Variants in ADSS1 observed in about 807,000 individuals in gnomAD.
ADSS1 encodes the protein adenylosuccinate synthase 1.
ADSS1 carries 57 observed loss-of-function variants against 59.1 expected under a neutral mutation model. The ratio of observed to expected loss-of-function variants is 0.97; its 90% CI spans 0.78 to 1.20. The LOEUF (loss-of-function observed/expected upper bound fraction) is 1.20. Ranked by LOEUF, ADSS1 falls within the 50% of genes most tolerant of loss-of-function variation. The pLI, the probability that ADSS1 is intolerant of heterozygous loss-of-function variation, is 0.00. For missense variants in ADSS1, 603 were observed against 610.3 expected, an observed-to-expected ratio of 0.99 and a Z score of 0.13; for synonymous variants, 247 against 249.4, an observed-to-expected ratio of 0.99 and a Z score of 0.09.
intron 11 of ADSS1, 116 bp from the exon 12 acceptor site, chr14:104,746,120 C>T: frequency 7.2e-7 from 1 of 1,389,412 alleles, no homozygotes; most frequent in Non-Finnish European, 9.7e-7. Flanking sequence ...GCCTTCCTTG[C>T]AGCTGAGTCC....
chr14:104,734,589 T>C (rs532027435), intron 1 of ADSS1, among the ~76,000 whole-genome samples: 1 of 152,326 alleles, frequency 6.6e-6, no homozygotes, highest in East Asian at 1.9e-4. Context: ...TTTTCATTCT[T>C]AGACGGGAGG....
chr14:104,736,306 G>A (rs11850889), intron 2 of ADSS1, among the ~76,000 whole-genome samples: 16,534 of 152,266 alleles, frequency 0.11, 927 homozygotes, highest in Non-Finnish European at 0.12. Context: ...CTGGCTGGCC[G>A]CTCCGGGTTG....
intron 1 of ADSS1, chr14:104,729,972 G>T (rs1481792005): frequency 1.9e-6 from 3 of 1,593,852 alleles, no homozygotes; most frequent in Non-Finnish European, 2.6e-6. Context: ...CTGACCCTCA[G>T]CTCGTCCCCA....
chr14:104,725,277 C>T (rs1394719247), intron 1 of ADSS1, among the ~76,000 whole-genome samples: 1 of 152,218 alleles, frequency 6.6e-6, no homozygotes, highest in Non-Finnish European at 1.5e-5. Context: ...GGCTACATGC[C>T]CCATGCCAGG....
chr14:104,740,758 A>C lies in ADSS1; in HGVS notation c.584+50A>C. On this transcript the variant is annotated intron_variant, in intron 6 of 12. Transcript: ENST00000330877. This position sits in a 1 kb window ranked among gnomAD's most constrained non-coding sequence, Gnocchi z 4.8. Reference sequence around the variant, plus strand: ...GGGGAGGATGGGGAGAAGTTGCCGGAAGGGACTGTGGCTAGTGGGGAGGGC... The same window carrying C: ...GGGGAGGATGGGGAGAAGTTGCCGGCAGGGACTGTGGCTAGTGGGGAGGGC... The C allele has an allele frequency of 1.2e-6, 2 of 1,613,076 alleles. No individual in the cohort carries two copies. Among genetic ancestry groups the C allele is most frequent in the Non-Finnish European group, 1.7e-6 (2 of 1,179,200 alleles).
At chr14:104,730,832 T>G (rs930369709) in intron 1 of ADSS1, among the ~76,000 whole-genome samples, 2 of 151,756 alleles carry the variant, frequency 1.3e-5, no homozygotes, top group African/African-American at 4.8e-5. Context: ...GAGCTGTGTT[T>G]GGTTCCTGAG....
At chr14:104,730,363 G>C (rs1164552879) in intron 1 of ADSS1, 1 of 878,892 alleles carries the variant, frequency 1.1e-6, no homozygotes, top group South Asian at 2.2e-5. Flanking sequence ...GCTGGTGGGC[G>C]CCTGTAGTCC....
chr14:104,738,416 A>G lies in ADSS1; in HGVS notation c.336A>G (p.Glu112=), dbSNP rs1290892884. The change falls in exon 3 of 13, where the codon GAA becomes GAG. Residue 112 remains glutamate (E), a synonymous_variant. Coordinates refer to ENST00000330877, the MANE Select transcript of ADSS1 (RefSeq NM_152328.5). The part of the protein sequence containing the change: ...VVIHLPGLFE[E]AEKNEKKGLK... Reference sequence around the variant, plus strand: ...TCCACTTGCCAGGCTTGTTTGAGGAAGCAGAGAAGAATGAAAAGAAAGGTA... The same window carrying G: ...TCCACTTGCCAGGCTTGTTTGAGGAGGCAGAGAAGAATGAAAAGAAAGGTA... 3 of 1,613,748 alleles carry G rather than the reference A, an allele frequency of 1.9e-6. No individual in the cohort carries two copies. In the African/African-American group the frequency reaches 4.0e-5, roughly 22 times the overall value.
chr14:104,742,391 C>T (rs955483129), intron 9 of ADSS1, among the ~76,000 whole-genome samples: 5 of 152,252 alleles, frequency 3.3e-5, no homozygotes, highest in Non-Finnish European at 1.5e-5. Context: ...TCAGCCTTGT[C>T]CCCAGGTTGG....
chr14:104,734,412 G>A (rs919792414), intron 1 of ADSS1, among the ~76,000 whole-genome samples: 5 of 152,234 alleles, frequency 3.3e-5, no homozygotes, highest in Non-Finnish European at 7.3e-5. Flanking sequence ...TCCAGGGCGT[G>A]GCACAGTTTG....
chr14:104,740,207 CAGAG>C lies in ADSS1; in HGVS notation c.477-391_477-388del, dbSNP rs1290199914. Among the ~76,000 whole-genome samples the C allele has an allele frequency of 2.0e-5, 3 of 152,130 alleles. No individual in the cohort carries two copies. Among genetic ancestry groups the C allele is most frequent in the African/African-American group, 7.2e-5 (3 of 41,412 alleles). ...AGTGAAGCAGATGAGTGTCCTGCCT[CAGAG>C]AGGTGATGGTCACACACTTACCCAC... On this transcript the variant is annotated intron_variant, in intron 5 of 12. Coordinates refer to ENST00000330877, the MANE Select transcript of ADSS1 (RefSeq NM_152328.5). The surrounding 1 kb of genome is among the most constrained non-coding windows in gnomAD (Gnocchi z 4.8).
At position 104,741,879 on chromosome 14, in the gene ADSS1, C is replaced by T; in HGVS notation, c.825C>T (p.Cys275=). Residue 275 remains cysteine, a synonymous_variant, in exon 9 of 13, where the codon TGC becomes TGT. Transcript: ENST00000330877. ...ACCCCTTTGTGACTTCATCCAACTG[C>T]ACCGTGGGCGGTGTGTGCACGGGCC... The part of the protein sequence containing the change: ...GTYPFVTSSN[C]TVGGVCTGLG... 4 of 1,613,422 alleles carry T rather than the reference C, an allele frequency of 2.5e-6. No individual in the cohort carries two copies. Among genetic ancestry groups the T allele is most frequent in the Non-Finnish European group, 3.4e-6 (4 of 1,179,988 alleles).
At chr14:104,736,889 T>TATATATATATATATAC (rs1247544278) in intron 2 of ADSS1, among the ~76,000 whole-genome samples, 3 of 47,564 alleles carry the variant, frequency 6.3e-5, no homozygotes, top group Non-Finnish European at 1.1e-4. Context: ...CTGATATATA[T>TATATATATATATATAC]ATATATATAT....
chr14:104,733,490 A>G (rs75337832), intron 1 of ADSS1, among the ~76,000 whole-genome samples: 1,994 of 152,250 alleles, frequency 0.013, 25 homozygotes, highest in Middle Eastern at 0.058. Context: ...TCTTGTCCAG[A>G]TGCATCGTGA....
At chr14:104,733,819 GC>G in intron 1 of ADSS1, among the ~76,000 whole-genome samples, 1 of 152,246 alleles carries the variant, frequency 6.6e-6, no homozygotes, top group South Asian at 2.1e-4. Context: ...TCCGTGTGTG[GC>G]CCCCCGCAAC....
At position 104,747,051 on chromosome 14, in the gene ADSS1, T is replaced by C. The variant is rs774672282; in HGVS notation, c.*48T>C. ...CAGGCCCTGGCAGCGTCTGGACTTG[T>C]GTAAACAGCAGCAGTCACGTTCCTC... On this transcript the variant is annotated 3_prime_UTR_variant, in exon 13 of 13. Transcript: ENST00000330877. 2.5e-5 allele frequency: 39 copies of C among 1,558,480 alleles called. No homozygotes were observed. The Middle Eastern group carries it at 5.1e-4, about 20-fold the overall frequency.
chr14:104,736,878 G>A (rs941989432), intron 2 of ADSS1, among the ~76,000 whole-genome samples: 4 of 69,404 alleles, frequency 5.8e-5, no homozygotes, highest in Non-Finnish European at 1.1e-4. Context: ...ACCGCACCTA[G>A]CTGATATATA....
chr14:104,725,063 C>G (rs12886191), intron 1 of ADSS1, among the ~76,000 whole-genome samples: 1 of 152,174 alleles, frequency 6.6e-6, no homozygotes, highest in Non-Finnish European at 1.5e-5. Context: ...GTGCTTGGGA[C>G]GATCCTAGCC....
At chr14:104,738,640 G>A (rs912603813) in intron 3 of ADSS1, among the ~76,000 whole-genome samples, 1 of 152,252 alleles carries the variant, frequency 6.6e-6, no homozygotes, top group Non-Finnish European at 1.5e-5. Context: ...TCAGATGCTG[G>A]TGGCCTCAGC....
Sources: allele counts gnomAD v4.1 joint callset (sites outside exome capture counted in the v4.1 genomes callset), GRCh38; gene constraint gnomAD v4.1.1; non-coding constraint Gnocchi (gnomAD v3.1); transcripts MANE v1.5; gene names NCBI Gene and HGNC (gene_info 2026-07-23, HGNC 2026-07-21).